DNER: variants seen among roughly 807,000 people sequenced by gnomAD.
The protein encoded by DNER is delta and Notch-like epidermal growth factor-related receptor.
DNER carries 33 observed loss-of-function variants against 78.2 expected under a neutral mutation model. The observed-to-expected ratio is 0.42, with a 90% confidence interval of 0.32 to 0.56. The LOEUF (loss-of-function observed/expected upper bound fraction) is 0.56, where lower values mean the gene tolerates loss of function less well. Among genes scored for constraint, DNER ranks in the 20% least tolerant of loss-of-function variants. The pLI is 0.11. For synonymous variants in DNER, 417 were observed against 384.8 expected, an observed-to-expected ratio of 1.08 and a Z score of -0.98; for missense variants, 918 against 975.3, an observed-to-expected ratio of 0.94 and a Z score of 0.78.
intron 4 of DNER, among the ~76,000 whole-genome samples, chr2:229,571,506 C>A (rs556360090): frequency 1.3e-5 from 2 of 152,050 alleles, no homozygotes; most frequent in African/African-American, 4.8e-5. Flanking sequence ...CTGCTCCCCA[C>A]GCCTTCTCTC....
At chr2:229,701,051 A>G (rs561120221) in intron 1 of DNER, among the ~76,000 whole-genome samples, 9 of 152,376 alleles carry the variant, frequency 5.9e-5, no homozygotes, top group African/African-American at 1.9e-4. Context: ...TACCAAGAAG[A>G]AAATGTAAAA....
intron 5 of DNER, among the ~76,000 whole-genome samples, chr2:229,537,815 G>A (rs1181953040): frequency 1.3e-5 from 2 of 152,018 alleles, no homozygotes; most frequent in East Asian, 3.9e-4. Context: ...GTGCAGGTTA[G>A]TTACATATGT....
intron 11 of DNER, among the ~76,000 whole-genome samples, chr2:229,377,878 A>G (rs1046891245): frequency 3.3e-5 from 5 of 152,184 alleles, no homozygotes; most frequent in African/African-American, 7.2e-5. Flanking sequence ...AATGCCCAGA[A>G]CCTATCAATA....
Position 229,714,124 on chromosome 2 carries a change from A to T in DNER, c.276+24T>A, listed in dbSNP as rs536631077. 27 of 1,282,690 alleles carry T rather than the reference A, an allele frequency of 2.1e-5. No individual in the cohort carries two copies. The East Asian group carries it at 7.5e-4, about 36-fold the overall frequency. The allele number at this position is 1,282,690 out of a possible 1,614,324, so 79.5% of individuals were successfully genotyped here. ...TGCTGGTCCCGGACCAGCGCCCCGC[A>T]CCGCGCCCGCCGCTTCCACTCACCT... is the stretch of plus-strand genomic sequence containing the variant. On this transcript the variant is annotated intron_variant, in intron 1 of 12. Coordinates refer to ENST00000341772, the MANE Select transcript of DNER (RefSeq NM_139072.4).
chr2:229,604,579 C>T (rs1204003836), intron 1 of DNER, among the ~76,000 whole-genome samples: 1 of 152,126 alleles, frequency 6.6e-6, no homozygotes, highest in African/African-American at 2.4e-5. Flanking sequence ...TTGGGTTGAT[C>T]CGCCAAGTGC....
chr2:229,504,842 T>C (rs1695701866), intron 6 of DNER, among the ~76,000 whole-genome samples: 1 of 152,238 alleles, frequency 6.6e-6, no homozygotes, highest in Non-Finnish European at 1.5e-5. Context: ...GCACCTGGCA[T>C]GGCATGGACA....
intron 9 of DNER, among the ~76,000 whole-genome samples, chr2:229,407,716 T>C (rs1171692134): frequency 1.3e-5 from 2 of 152,184 alleles, no homozygotes; most frequent in Non-Finnish European, 2.9e-5. Context: ...TGAGAAAATA[T>C]AATATTAGCA....
intron 1 of DNER, among the ~76,000 whole-genome samples, chr2:229,676,469 C>T (rs1362631671): frequency 2.6e-5 from 4 of 152,208 alleles, no homozygotes; most frequent in Admixed American, 2.0e-4. Flanking sequence ...AAGAAATAAT[C>T]GCCTGGTTAT....
intron 1 of DNER, among the ~76,000 whole-genome samples, chr2:229,685,076 T>C (rs1387956892): frequency 6.6e-6 from 1 of 152,220 alleles, no homozygotes; most frequent in Non-Finnish European, 1.5e-5. Flanking sequence ...GTTGATTTTT[T>C]TCCATCCACC....
At chr2:229,573,110 C>G (rs1032493889) in intron 4 of DNER, among the ~76,000 whole-genome samples, 1 of 152,186 alleles carries the variant, frequency 6.6e-6, no homozygotes, top group African/African-American at 2.4e-5. Flanking sequence ...AGGCTGTCAT[C>G]TGTTATTAGC....
chr2:229,454,959 T>A (rs1694540605), intron 7 of DNER, among the ~76,000 whole-genome samples: 3 of 151,274 alleles, frequency 2.0e-5, no homozygotes, highest in South Asian at 4.1e-4. Context: ...TATATCTGAA[T>A]ACACTTTGAA....
chr2:229,575,398 C>T (rs1559171514), intron 4 of DNER, among the ~76,000 whole-genome samples: 1 of 152,216 alleles, frequency 6.6e-6, no homozygotes, highest in South Asian at 2.1e-4. Flanking sequence ...CAGTGCCCTT[C>T]CACATGGACT....
intron 5 of DNER, among the ~76,000 whole-genome samples, chr2:229,518,481 A>G (rs1244767663): frequency 1.3e-5 from 2 of 152,236 alleles, no homozygotes; most frequent in Non-Finnish European, 2.9e-5. Context: ...GTGTAAATTG[A>G]TACGAGGAGA....
intron 5 of DNER, among the ~76,000 whole-genome samples, chr2:229,536,165 G>A (rs1696399630): frequency 6.6e-6 from 1 of 152,182 alleles, no homozygotes; most frequent in Non-Finnish European, 1.5e-5. Flanking sequence ...TGCATCTGAT[G>A]GTCATTGGCT....
intron 1 of DNER, 49 bp downstream of exon 1, chr2:229,714,099 T>C: frequency 8.0e-7 from 1 of 1,243,870 alleles, no homozygotes; most frequent in Middle Eastern, 3.1e-4. Context: ...GGGAAGAGGC[T>C]GCTGGTCCCG....
intron 8 of DNER, among the ~76,000 whole-genome samples, chr2:229,427,392 C>T (rs191005467): frequency 1.1e-4 from 17 of 152,296 alleles, no homozygotes; most frequent in Admixed American, 1.0e-3. Flanking sequence ...TTATTCAATG[C>T]CTGCTATGTG....
intron 1 of DNER, among the ~76,000 whole-genome samples, chr2:229,618,588 A>G (rs1022788421): frequency 6.6e-6 from 1 of 152,162 alleles, no homozygotes; most frequent in African/African-American, 2.4e-5. Flanking sequence ...ACCCCAGTGA[A>G]TTCTGCCTTA....
At position 229,585,837 on chromosome 2, in the gene DNER, TAGA is replaced by T; in HGVS notation, c.847+18_847+20del. On this transcript the variant is annotated intron_variant, in intron 4 of 12. Transcript: ENST00000341772. ...GGGTTGAATCAGATGCAGTGTTGAG[TAGA>T]AGATTTTGGTAACTCACCAATAAAG... The T allele has an allele frequency of 1.2e-6, 2 of 1,613,420 alleles. No individual in the cohort carries two copies. The highest frequency in any genetic ancestry group is 1.1e-5 in the South Asian group (1 of 90,990).
chr2:229,406,413 G>A (rs1265956877), intron 10 of DNER, among the ~76,000 whole-genome samples: 1 of 152,000 alleles, frequency 6.6e-6, no homozygotes, highest in African/African-American at 2.4e-5. Flanking sequence ...AGATCCCTGG[G>A]TTCTGTTGGA....
Sources: gnomAD v4.1 joint callset for allele counts (sites outside exome capture counted in the v4.1 genomes callset) on GRCh38, gnomAD v4.1.1 for gene constraint, MANE v1.5 for transcripts, NCBI Gene and HGNC (gene_info 2026-07-23, HGNC 2026-07-21) for gene names.